Variants in MAP2K3 observed in about 807,000 individuals in gnomAD.
The protein encoded by MAP2K3 is dual specificity mitogen-activated protein kinase kinase 3.
Under a neutral mutation model 46.4 loss-of-function variants are expected in MAP2K3, and 30 were observed. The observed-to-expected ratio is 0.65, with a 90% CI of 0.48 to 0.88. MAP2K3 has a LOEUF of 0.88. Among genes scored for constraint, MAP2K3 ranks in the 40% least tolerant of loss-of-function variants. The probability of loss-of-function intolerance (pLI) is 0.00; values close to 1 mark genes in which losing one functional copy is unlikely to be tolerated. For synonymous variants in MAP2K3, 189 were observed against 176.3 expected (o/e 1.07, Z -0.57); for missense variants, 380 against 464.5 (o/e 0.82, Z 1.67).
chr17:21,298,591 C>G, intron 2 of MAP2K3, 112 bp downstream of exon 2: 3 of 1,552,340 alleles, frequency 1.9e-6, no homozygotes, highest in Non-Finnish European at 2.7e-6. Flanking sequence ...TCGTCCTGTC[C>G]TGGGCAGCCC....
At chr17:21,300,402 A>C (rs1482230247) in intron 3 of MAP2K3, 143 bp from the exon 4 acceptor site, 42 of 830,440 alleles carry the variant, frequency 5.1e-5, no homozygotes, top group Non-Finnish European at 7.8e-5. Context: ...TGAGGGTCAC[A>C]CAGCAGGGAG....
chr17:21,301,457 G>C (rs72831568), intron 5 of MAP2K3, among the ~76,000 whole-genome samples: 1 of 152,306 alleles, frequency 6.6e-6, no homozygotes, highest in African/African-American at 2.4e-5. Flanking sequence ...CCGCCAAGCC[G>C]GGTGGGTGTG....
In MAP2K3 at chr17:21,284,802, C is replaced by G; in HGVS notation, c.-119C>G. ...CAGTCGCCGCCGCCGCCGCCGCCGCCGCCGCTGCTCCTCCGCCTGGCCTGG... is the reference window on the plus strand; with the variant it reads ...CAGTCGCCGCCGCCGCCGCCGCCGCGGCCGCTGCTCCTCCGCCTGGCCTGG... On this transcript the variant is annotated 5_prime_UTR_variant, in exon 1 of 12. Transcript: ENST00000342679. The G allele has an allele frequency of 8.4e-7, 1 of 1,189,600 alleles. No individual in the cohort carries two copies. Among genetic ancestry groups the G allele is most frequent in the Non-Finnish European group, 1.1e-6 (1 of 884,650 alleles). 73.7% of individuals were successfully genotyped at this position (1,189,600 alleles called of 1,614,324 possible).
chr17:21,303,325 G>T (rs1976711265), intron 7 of MAP2K3, 91 bp downstream of exon 7: 4 of 1,561,338 alleles, frequency 2.6e-6, no homozygotes, highest in Admixed American at 3.5e-5. Context: ...AGCAACTGTG[G>T]CTCCGAGAGG....
chr17:21,304,178 C>G (rs1030639552), intron 7 of MAP2K3, among the ~76,000 whole-genome samples: 1 of 152,310 alleles, frequency 6.6e-6, no homozygotes, highest in East Asian at 1.9e-4. Flanking sequence ...TTGCAGTGGC[C>G]GGGCCGGGCT....
chr17:21,296,752 A>T (rs1240764008), intron 1 of MAP2K3, among the ~76,000 whole-genome samples: 2 of 152,310 alleles, frequency 1.3e-5, no homozygotes, highest in Admixed American at 6.5e-5. Flanking sequence ...GCTGTGACAG[A>T]CTCGCAGTGA....
At chr17:21,296,219 C>A (rs1208092875) in intron 1 of MAP2K3, 64 of 1,284,250 alleles carry the variant, frequency 5.0e-5, no homozygotes, top group Non-Finnish European at 6.2e-5. Flanking sequence ...AGGTGGGTGG[C>A]ATTTCTGCCT....
At position 21,302,339 on chromosome 17, in the gene MAP2K3, C is replaced by A. The variant is rs1976655715; in HGVS notation, c.516+80C>A. 10 of 1,458,622 alleles carry A rather than the reference C, an allele frequency of 6.9e-6. No homozygotes were observed. The Admixed American group carries it at 1.5e-4, about 22-fold the overall frequency. The allele number at this position is 1,458,622 out of a possible 1,614,324, so 90.4% of individuals were successfully genotyped here. ...GCCCTGCCAGCAGGCATGGAGCCTG[C>A]CTATTGATGGTGTCTTGGGCAGAGC... On this transcript the variant is annotated intron_variant, in intron 6 of 11. Coordinates refer to ENST00000342679, the MANE Select transcript of MAP2K3 (RefSeq NM_145109.3).
chr17:21,299,111 G>T (rs1373759240), intron 3 of MAP2K3, among the ~76,000 whole-genome samples, 185 bp downstream of exon 3: 7 of 152,308 alleles, frequency 4.6e-5, no homozygotes, highest in Non-Finnish European at 1.0e-4. Context: ...GACCCTCCTG[G>T]TGGGAATGAG....
chr17:21,292,971 G>A (rs1221788253), intron 1 of MAP2K3, among the ~76,000 whole-genome samples: 1 of 152,312 alleles, frequency 6.6e-6, no homozygotes, highest in South Asian at 2.1e-4. Flanking sequence ...GATCACATTA[G>A]TACCTGCCTC....
At chr17:21,286,812 A>G (rs1337091586) in intron 1 of MAP2K3, among the ~76,000 whole-genome samples, 1 of 152,208 alleles carries the variant, frequency 6.6e-6, no homozygotes, top group Non-Finnish European at 1.5e-5. Context: ...CCCAGGTCCT[A>G]GATGAGGTTG....
chr17:21,310,283 A>G (rs918079854), intron 9 of MAP2K3, among the ~76,000 whole-genome samples: 13 of 152,062 alleles, frequency 8.5e-5, no homozygotes, highest in Admixed American at 1.3e-4. Context: ...TGCTTGGATT[A>G]TAGGTGTGAG....
chr17:21,309,231 C>T (rs1277268830), intron 9 of MAP2K3, among the ~76,000 whole-genome samples: 2 of 152,428 alleles, frequency 1.3e-5, no homozygotes, highest in East Asian at 1.9e-4. Flanking sequence ...AAAGGAAGTT[C>T]TCTGAAGTGC....
chr17:21,311,093 G>A (rs1977138084), intron 9 of MAP2K3, among the ~76,000 whole-genome samples: 1 of 152,162 alleles, frequency 6.6e-6, no homozygotes. Flanking sequence ...CTGTGTGGGT[G>A]TGTTTGTCTG....
At chr17:21,309,895 C>G (rs868200979) in intron 9 of MAP2K3, among the ~76,000 whole-genome samples, 1 of 151,968 alleles carries the variant, frequency 6.6e-6, no homozygotes, top group Non-Finnish European at 1.5e-5. Context: ...TGAGCCACTG[C>G]GCCTGGCCTC....
intron 9 of MAP2K3, among the ~76,000 whole-genome samples, chr17:21,310,372 C>T (rs1447133924): frequency 6.6e-6 from 1 of 152,218 alleles, no homozygotes; most frequent in Non-Finnish European, 1.5e-5. Context: ...AACCATCTGC[C>T]ACCATTCAGT....
chr17:21,296,221 T>C (rs1466145078), intron 1 of MAP2K3: 12 of 1,283,354 alleles, frequency 9.4e-6, no homozygotes, highest in Non-Finnish European at 6.1e-6. Flanking sequence ...GTGGGTGGCA[T>C]TTCTGCCTCG....
intron 6 of MAP2K3, among the ~76,000 whole-genome samples, chr17:21,302,780 A>G (rs1976678431): frequency 6.6e-6 from 1 of 152,308 alleles, no homozygotes; most frequent in Admixed American, 6.5e-5. Context: ...GGAAACATTT[A>G]CAATATACCC....
chr17:21,297,926 C>T (rs1214135659), intron 1 of MAP2K3, among the ~76,000 whole-genome samples: 1 of 152,298 alleles, frequency 6.6e-6, no homozygotes, highest in Non-Finnish European at 1.5e-5. Flanking sequence ...CCGCCTGCTC[C>T]ACCGCCTGTT....
Sources: allele counts gnomAD v4.1 joint callset (sites outside exome capture counted in the v4.1 genomes callset), GRCh38; gene constraint gnomAD v4.1.1; transcripts MANE v1.5; gene names NCBI Gene and HGNC (gene_info 2026-07-23, HGNC 2026-07-21).